Variants in APBB2 observed in about 807,000 individuals in gnomAD.
APBB2 encodes the protein amyloid beta precursor protein binding family B member 2.
In APBB2, 38 loss-of-function variants were observed where a neutral mutation model predicts 82.5. The observed-to-expected ratio is 0.46, with a 90% CI of 0.36 to 0.60. The LOEUF is 0.60. APBB2 is among the 20% of genes least tolerant of loss of function. The pLI is 0.00. For missense variants in APBB2, 772 were observed against 972.3 expected, an observed-to-expected ratio of 0.79 and a Z score of 2.74; for synonymous variants, 341 against 368.2, an observed-to-expected ratio of 0.93 and a Z score of 0.85.
chr4:40,842,814 C>T (rs1425584513), intron 12 of APBB2, among the ~76,000 whole-genome samples: 3 of 152,172 alleles, frequency 2.0e-5, no homozygotes, highest in African/African-American at 4.8e-5. Context: ...ATTAACAGAG[C>T]CACATCACTG....
intron 12 of APBB2, among the ~76,000 whole-genome samples, chr4:40,845,708 G>A (rs886425770): frequency 2.0e-5 from 3 of 150,852 alleles, no homozygotes; most frequent in East Asian, 2.0e-4. Flanking sequence ...CTCATGCTGC[G>A]CACAACTGTC....
intron 17 of APBB2, 33 bp from the exon 18 acceptor site, chr4:40,816,292 TAAC>T: frequency 6.2e-7 from 1 of 1,610,676 alleles, no homozygotes; most frequent in Non-Finnish European, 8.5e-7. Flanking sequence ...TTAAGGTAAT[TAAC>T]AACATATTAT....
At chr4:41,013,063 C>T (rs947532580) in intron 6 of APBB2, among the ~76,000 whole-genome samples, 2 of 152,164 alleles carry the variant, frequency 1.3e-5, no homozygotes, top group East Asian at 3.8e-4. Context: ...GCTAATAAAA[C>T]ACTCCTCAGT....
At chr4:41,135,903 T>C (rs2154013081) in intron 2 of APBB2, among the ~76,000 whole-genome samples, 1 of 152,330 alleles carries the variant, frequency 6.6e-6, no homozygotes, top group Middle Eastern at 3.4e-3. Context: ...GCTCCTGGGC[T>C]CAAGCAATTC....
At chr4:40,872,359 G>C (rs1369770693) in intron 12 of APBB2, among the ~76,000 whole-genome samples, 1 of 152,200 alleles carries the variant, frequency 6.6e-6, no homozygotes, top group Non-Finnish European at 1.5e-5. Context: ...GTGACAGAAA[G>C]GCTAACAGAA....
At chr4:41,122,508 C>T (rs1753143289) in intron 2 of APBB2, among the ~76,000 whole-genome samples, 3 of 152,156 alleles carry the variant, frequency 2.0e-5, no homozygotes, top group Admixed American at 1.3e-4. Flanking sequence ...CCATTACCTA[C>T]CATATGCCAC....
intron 3 of APBB2, among the ~76,000 whole-genome samples, chr4:41,067,411 CAAAA>C (rs1170369678): frequency 9.3e-6 from 1 of 107,930 alleles, no homozygotes; most frequent in Admixed American, 1.0e-4. Flanking sequence ...AACTCCGTCT[CAAAA>C]AAAAAAAAAA....
chr4:41,181,604 A>G (rs1771367541), intron 1 of APBB2, among the ~76,000 whole-genome samples: 1 of 152,194 alleles, frequency 6.6e-6, no homozygotes, highest in Admixed American at 6.5e-5. Flanking sequence ...AGAACTCAGT[A>G]TTAATATACT....
At chr4:41,184,955 C>T (rs932073767) in intron 1 of APBB2, among the ~76,000 whole-genome samples, 1 of 152,252 alleles carries the variant, frequency 6.6e-6, no homozygotes, top group African/African-American at 2.4e-5. Flanking sequence ...AATAAACATC[C>T]TGCTTCCCAA....
intron 6 of APBB2, among the ~76,000 whole-genome samples, chr4:40,955,890 C>T (rs1168829906): frequency 6.6e-6 from 1 of 152,148 alleles, no homozygotes. Context: ...ATTCTCCTGC[C>T]TCAGCCTCTC....
chr4:40,891,880 C>T (rs1449332173), intron 11 of APBB2, among the ~76,000 whole-genome samples: 4 of 151,938 alleles, frequency 2.6e-5, no homozygotes. Flanking sequence ...CAAGAAAGAA[C>T]AGCAGTTTTG....
intron 2 of APBB2, among the ~76,000 whole-genome samples, chr4:41,139,349 G>A (rs2154018525): frequency 6.6e-6 from 1 of 152,146 alleles, no homozygotes; most frequent in Non-Finnish European, 1.5e-5. Flanking sequence ...GAAATAGAGG[G>A]GAAATTTGTC....
chr4:41,128,640 A>G (rs1426723221), intron 2 of APBB2, among the ~76,000 whole-genome samples: 1 of 152,232 alleles, frequency 6.6e-6, no homozygotes, highest in African/African-American at 2.4e-5. Flanking sequence ...GGCTGAGATT[A>G]TACTCTGTAT....
intron 12 of APBB2, among the ~76,000 whole-genome samples, chr4:40,864,415 G>C (rs1189303468): frequency 6.6e-6 from 1 of 152,074 alleles, no homozygotes; most frequent in Non-Finnish European, 1.5e-5. Context: ...ACGTAAGGAT[G>C]TGCCCTTTAT....
intron 1 of APBB2, among the ~76,000 whole-genome samples, chr4:41,213,588 C>T (rs1779866222): frequency 6.6e-6 from 1 of 152,262 alleles, no homozygotes; most frequent in South Asian, 2.1e-4. Context: ...ACTTCACCGA[C>T]GTGAAGACCA....
At chr4:41,044,640 T>C (rs1318429883) in intron 4 of APBB2, among the ~76,000 whole-genome samples, 2 of 152,236 alleles carry the variant, frequency 1.3e-5, no homozygotes, top group Non-Finnish European at 2.9e-5. Context: ...CACATTTTGT[T>C]TCCTTTGAAT....
At chr4:40,828,468 G>A (rs975782078) in intron 13 of APBB2, among the ~76,000 whole-genome samples, 4 of 152,302 alleles carry the variant, frequency 2.6e-5, no homozygotes, top group Admixed American at 2.0e-4. Context: ...CCAGGGCAGC[G>A]AGCAAGAGGG....
intron 6 of APBB2, among the ~76,000 whole-genome samples, chr4:40,946,102 C>T (rs1372435801): frequency 6.6e-6 from 1 of 152,010 alleles, no homozygotes; most frequent in East Asian, 1.9e-4. Context: ...CATGGTGGCG[C>T]ACACCTGCAG....
intron 6 of APBB2, among the ~76,000 whole-genome samples, chr4:40,978,070 G>T (rs1350974520): frequency 1.3e-5 from 2 of 152,192 alleles, no homozygotes; most frequent in African/African-American, 4.8e-5. Flanking sequence ...ATGGAAGAAA[G>T]GGTGGCCAGA....
Sources: allele counts gnomAD v4.1 joint callset (sites outside exome capture counted in the v4.1 genomes callset), GRCh38; gene constraint gnomAD v4.1.1; transcripts MANE v1.5; gene names NCBI Gene and HGNC (gene_info 2026-07-23, HGNC 2026-07-21).